The following SLC24A2 variants were observed in gnomAD, a reference collection of about 807,000 sequenced individuals.
The protein encoded by SLC24A2 is sodium/potassium/calcium exchanger 2.
A neutral mutation model predicts 62.0 loss-of-function variants in SLC24A2; 36 were observed. That is an observed-to-expected ratio of 0.58 (90% CI 0.44 to 0.77). The LOEUF (loss-of-function observed/expected upper bound fraction) is 0.77. Ranked by LOEUF, SLC24A2 falls within the 30% of genes least tolerant of loss-of-function variation. The probability of loss-of-function intolerance (pLI) is 0.00; values close to 1 mark genes in which losing one functional copy is unlikely to be tolerated. For synonymous variants in SLC24A2, 358 were observed against 294.0 expected (o/e 1.22, Z -2.23); for missense variants, 846 against 817.9 (o/e 1.03, Z -0.42).
intron 2 of SLC24A2, among the ~76,000 whole-genome samples, chr9:19,701,954 G>A (rs1476512426): frequency 1.3e-5 from 2 of 152,148 alleles, no homozygotes; most frequent in African/African-American, 4.8e-5. Flanking sequence ...TACCGTGGAT[G>A]GAAAACGATA....
intron 2 of SLC24A2, among the ~76,000 whole-genome samples, chr9:19,783,435 TC>T (rs1823073512): frequency 6.6e-6 from 1 of 152,316 alleles, no homozygotes. Flanking sequence ...AGTCTTTTTT[TC>T]CTAGATGTTT....
chr9:19,588,618 G>A (rs1258755877), intron 5 of SLC24A2, among the ~76,000 whole-genome samples: 4 of 152,154 alleles, frequency 2.6e-5, no homozygotes, highest in Non-Finnish European at 4.4e-5. Context: ...AGGCTTATGT[G>A]CTTTGTAATG....
the SLC24A2 span, among the ~76,000 whole-genome samples, chr9:20,278,994 G>A: frequency 6.6e-6 from 1 of 152,116 alleles, no homozygotes; most frequent in African/African-American, 2.4e-5. Flanking sequence ...AAGCAAACAT[G>A]TCCTTCTTCA....
intron 2 of SLC24A2, among the ~76,000 whole-genome samples, chr9:19,771,344 G>A (rs552681889): frequency 6.6e-6 from 1 of 152,188 alleles, no homozygotes; most frequent in Non-Finnish European, 1.5e-5. Flanking sequence ...GTGACTTGCA[G>A]AGCATTAACA....
At chr9:20,105,681 C>T in the SLC24A2 span, among the ~76,000 whole-genome samples, 14,536 of 148,142 alleles carry the variant, frequency 0.098, 591 homozygotes, top group Middle Eastern at 0.17. Flanking sequence ...CCAGAATCTC[C>T]GGGACGCATT....
At position 19,513,182 on chromosome 9, in the gene SLC24A2, A is replaced by ATATATG. The variant is rs1832793468; in HGVS notation, c.*2970_*2971insCATATA. ...TATATATATATATATATATGTATAT[A>ATATATG]TATATATATGTATATATTTATATAT... is the stretch of plus-strand genomic sequence containing the variant. On this transcript the variant is annotated 3_prime_UTR_variant, in exon 11 of 11. Coordinates refer to ENST00000341998, the MANE Select transcript of SLC24A2 (RefSeq NM_020344.4). The ATATATG allele has an allele frequency of 7.3e-6, 1 of 136,114 alleles. No individual in the cohort carries two copies. Among genetic ancestry groups the ATATATG allele is most frequent in the African/African-American group, 2.8e-5 (1 of 35,566 alleles). The allele number at this position is 136,114 out of a possible 1,614,324, so 8.4% of individuals were successfully genotyped here. A position where few individuals can be genotyped will look rare whatever the true frequency, so the allele number is the denominator to read the frequency against.
the SLC24A2 span, among the ~76,000 whole-genome samples, chr9:19,965,321 C>T: frequency 3.9e-5 from 6 of 152,046 alleles, no homozygotes; most frequent in Admixed American, 2.0e-4. Flanking sequence ...CCGGCTGTGT[C>T]CCTTTTAGTT....
chr9:19,798,072 T>C, the SLC24A2 span, among the ~76,000 whole-genome samples: 46 of 152,318 alleles, frequency 3.0e-4, no homozygotes, highest in Admixed American at 1.4e-3. Context: ...ATCATGTTTA[T>C]ATAGAATTGG....
chr9:19,770,723 A>T (rs1189057968), intron 2 of SLC24A2, among the ~76,000 whole-genome samples: 1 of 152,228 alleles, frequency 6.6e-6, no homozygotes, highest in Non-Finnish European at 1.5e-5. Context: ...GTTTATAGAA[A>T]CTAAAACTTA....
chr9:20,012,077 A>G, the SLC24A2 span, among the ~76,000 whole-genome samples: 2 of 152,234 alleles, frequency 1.3e-5, no homozygotes, highest in South Asian at 2.1e-4. Context: ...ACCTATGGCT[A>G]ACATCATTCT....
At chr9:20,161,866 T>C in the SLC24A2 span, among the ~76,000 whole-genome samples, 1 of 151,414 alleles carries the variant, frequency 6.6e-6, no homozygotes. Flanking sequence ...CAATAGGAGT[T>C]GGGAAAAAGC....
chr9:19,799,997 A>C, the SLC24A2 span, among the ~76,000 whole-genome samples: 1 of 152,116 alleles, frequency 6.6e-6, no homozygotes, highest in Non-Finnish European at 1.5e-5. Flanking sequence ...GGCTCTGAGA[A>C]ATTCTTGGCA....
chr9:19,644,061 C>T (rs756077753), intron 2 of SLC24A2, among the ~76,000 whole-genome samples: 5 of 152,232 alleles, frequency 3.3e-5, no homozygotes, highest in Admixed American at 6.5e-5. Context: ...AAAGACATTC[C>T]TGTTCACCTC....
chr9:20,291,743 G>T, the SLC24A2 span, among the ~76,000 whole-genome samples: 1 of 152,156 alleles, frequency 6.6e-6, no homozygotes, highest in Non-Finnish European at 1.5e-5. Context: ...CAACTATGGA[G>T]GATCTTGAAC....
At chr9:20,117,097 A>G in the SLC24A2 span, among the ~76,000 whole-genome samples, 24 of 152,148 alleles carry the variant, frequency 1.6e-4, no homozygotes, top group Non-Finnish European at 3.1e-4. Flanking sequence ...GCAGTGACTG[A>G]GAGCCCCACC....
chr9:19,546,372 G>A (rs1586932882), intron 8 of SLC24A2, among the ~76,000 whole-genome samples: 2 of 151,788 alleles, frequency 1.3e-5, no homozygotes, highest in African/African-American at 4.8e-5. Flanking sequence ...TTTTTTTTCA[G>A]TGATGCCCTT....
At chr9:19,809,239 A>G in the SLC24A2 span, among the ~76,000 whole-genome samples, 1 of 152,208 alleles carries the variant, frequency 6.6e-6, no homozygotes, top group Non-Finnish European at 1.5e-5. Flanking sequence ...TTTAAAATCC[A>G]TCAACAGTGG....
chr9:19,969,981 G>C, the SLC24A2 span, among the ~76,000 whole-genome samples: 3 of 152,286 alleles, frequency 2.0e-5, no homozygotes, highest in South Asian at 6.2e-4. Context: ...AGGACATCAT[G>C]ATACCACCTT....
intron 8 of SLC24A2, among the ~76,000 whole-genome samples, chr9:19,546,639 C>T (rs7859648): frequency 0.058 from 8,843 of 152,112 alleles, 832 homozygotes; most frequent in African/African-American, 0.2. Flanking sequence ...GGGTTGGACC[C>T]ACCAAGCCAG....
Sources: gnomAD v4.1 joint callset for allele counts (sites outside exome capture counted in the v4.1 genomes callset) on GRCh38, gnomAD v4.1.1 for gene constraint, MANE v1.5 for transcripts, NCBI Gene and HGNC (gene_info 2026-07-23, HGNC 2026-07-21) for gene names.